Variants in ESYT3 observed in about 807,000 individuals in gnomAD.
The protein encoded by ESYT3 is extended synaptotagmin 3.
In ESYT3, 101 loss-of-function variants were observed where a neutral mutation model predicts 111.5. That is an observed-to-expected ratio of 0.91 (90% CI 0.77 to 1.07). ESYT3 has a LOEUF of 1.07. Among genes scored for constraint, ESYT3 ranks in the 50% least tolerant of loss-of-function variants. The pLI is 0.00. For synonymous variants in ESYT3, 416 were observed against 446.8 expected, an observed-to-expected ratio of 0.93 and a Z score of 0.87; for missense variants, 1,097 against 1,109.4, an observed-to-expected ratio of 0.99 and a Z score of 0.16.
chr3:138,460,335 G>GT (rs1441486221), intron 6 of ESYT3, among the ~76,000 whole-genome samples: 2 of 152,182 alleles, frequency 1.3e-5, no homozygotes, highest in Admixed American at 1.3e-4. Flanking sequence ...TCCTACTCCT[G>GT]TAGGGGTTCT....
chr3:138,449,082 C>CT (rs398040196), intron 1 of ESYT3, among the ~76,000 whole-genome samples: 5,232 of 113,108 alleles, frequency 0.046, 511 homozygotes, highest in African/African-American at 0.15. Flanking sequence ...CTTTCTTTTT[C>CT]TTTTTTTTTT....
In ESYT3 at chr3:138,477,142, T is replaced by C. The variant is rs1473320802; in HGVS notation, c.*288T>C. ...TACTAAATTATCCAAACCTCAGTGTTTATATACTTAAACAAGTGCCACTTT... is the reference window on the plus strand; with the variant it reads ...TACTAAATTATCCAAACCTCAGTGTCTATATACTTAAACAAGTGCCACTTT... On this transcript the variant is annotated 3_prime_UTR_variant, in exon 23 of 23. Coordinates refer to ENST00000389567, the MANE Select transcript of ESYT3 (RefSeq NM_031913.5). 3.5e-6 allele frequency: 1 copy of C among 287,398 alleles called. No individual in the cohort carries two copies. The highest frequency in any genetic ancestry group is 4.9e-5 in the Admixed American group (1 of 20,496). 17.8% of individuals were successfully genotyped at this position (287,398 alleles called of 1,614,324 possible).
intron 1 of ESYT3, among the ~76,000 whole-genome samples, chr3:138,446,553 T>C (rs1404474790): frequency 5.3e-5 from 8 of 152,076 alleles, no homozygotes; most frequent in Non-Finnish European, 1.2e-4. Flanking sequence ...CAAAATAGAA[T>C]AGAACTCAAA....
chr3:138,451,719 C>T (rs1254148681), intron 1 of ESYT3, among the ~76,000 whole-genome samples: 1 of 152,222 alleles, frequency 6.6e-6, no homozygotes, highest in East Asian at 1.9e-4. Flanking sequence ...GCGTGGAGTC[C>T]TGTCCTGCCC....
chr3:138,468,992 G>C (rs2033081679), intron 14 of ESYT3, 111 bp downstream of exon 14: 9 of 1,154,008 alleles, frequency 7.8e-6, no homozygotes, highest in Non-Finnish European at 1.2e-5. Context: ...ACACAGCCTG[G>C]GGATAACAAG....
chr3:138,479,837 A>T lies in ESYT3; in HGVS notation c.*2983A>T, dbSNP rs2033646185. The T allele has an allele frequency of 6.6e-6, 1 of 152,176 alleles. No homozygotes were observed. The allele number at this position is 152,176 out of a possible 1,614,324, so 9.4% of individuals were successfully genotyped here. ...CTCTCCCTTACCCCTGGGGGTAAGG[A>T]TCTGCATCCTGAAGTTGATATTCTG... On this transcript the variant is annotated 3_prime_UTR_variant, in exon 23 of 23. Coordinates refer to ENST00000389567, the MANE Select transcript of ESYT3 (RefSeq NM_031913.5).
Position 138,449,623 on chromosome 3 carries a change from G to A in ESYT3, c.328-2425G>A, listed in dbSNP as rs1052438752. Among the ~76,000 whole-genome samples the A allele has an allele frequency of 5.3e-5, 8 of 152,288 alleles. No individual in the cohort carries two copies. The South Asian group carries it at 1.7e-3, about 32-fold the overall frequency. On this transcript the variant is annotated intron_variant, in intron 1 of 22. Coordinates refer to ENST00000389567, the MANE Select transcript of ESYT3 (RefSeq NM_031913.5). Reference sequence around the variant, plus strand: ...CCACCAAGCAGGATCACCTTTCGGGGTCGAGAGATCAGAACTACTCAGCTC... The same window carrying A: ...CCACCAAGCAGGATCACCTTTCGGGATCGAGAGATCAGAACTACTCAGCTC...
chr3:138,472,799 C>T lies in ESYT3; in HGVS notation c.2177C>T (p.Ser726Phe). Residue 726 changes from serine to phenylalanine, a missense_variant, in exon 18 of 23, where the codon TCC (serine) becomes TTC (phenylalanine). Physicochemically the swap from Ser to Phe is radical, Grantham distance 155 (BLOSUM62 -2). Coordinates refer to ENST00000389567, the MANE Select transcript of ESYT3 (RefSeq NM_031913.5). ...WPPKRLAPSM[S>F]SLNSLASSCF... Reference sequence around the variant, plus strand: ...CCCAAGAGGCTGGCTCCCAGCATGTCCTCGCTCAACTCCTTGGCCTCTTCT... The same window carrying T: ...CCCAAGAGGCTGGCTCCCAGCATGTTCTCGCTCAACTCCTTGGCCTCTTCT... 6.2e-7 allele frequency: 1 copy of T among 1,614,236 alleles called. No homozygotes were observed.
intron 5 of ESYT3, among the ~76,000 whole-genome samples, 157 bp downstream of exon 5, chr3:138,459,410 T>G (rs1171111707): frequency 2.0e-5 from 3 of 152,176 alleles, no homozygotes; most frequent in Admixed American, 6.5e-5. Context: ...TGAGGTCACA[T>G]GGCCAGGAAG....
chr3:138,439,115 G>GT (rs1403619307), intron 1 of ESYT3, among the ~76,000 whole-genome samples: 22 of 152,320 alleles, frequency 1.4e-4, no homozygotes, highest in Admixed American at 1.4e-3. Context: ...CAAAAGCTTT[G>GT]TTGCCACACA....
intron 2 of ESYT3, 101 bp downstream of exon 2, chr3:138,452,190 C>A: frequency 8.5e-7 from 1 of 1,182,914 alleles, no homozygotes. Flanking sequence ...GCGGCAATTT[C>A]CTTGCCTGAC....
chr3:138,436,841 C>T (rs1361202123), intron 1 of ESYT3, among the ~76,000 whole-genome samples: 2 of 152,310 alleles, frequency 1.3e-5, no homozygotes, highest in South Asian at 2.1e-4. Flanking sequence ...AAGTAACATC[C>T]CTTCTTTTCT....
Position 138,459,244 on chromosome 3 carries a change from C to T in ESYT3, c.639C>T (p.Asn213=), listed in dbSNP as rs145007016. 37 of 1,558,352 alleles carry T rather than the reference C, an allele frequency of 2.4e-5. No individual in the cohort carries two copies. The highest frequency in any genetic ancestry group is 1.9e-4 in the Admixed American group (11 of 57,532). Residue 213 remains asparagine (N), a synonymous_variant, in exon 5 of 23, where the codon AAC becomes AAT. Coordinates refer to ENST00000389567, the MANE Select transcript of ESYT3 (RefSeq NM_031913.5). ...TGCAGAAGATTCAGGCTGGTGTGAA[C>T]GGGATCCAGGTGGGTGGAGCCCGGT... ...VELQKIQAGV[N]GIQLQGTLRV...
Position 138,470,967 on chromosome 3 carries a change from C to T in ESYT3, c.1681C>T (p.Arg561Cys), listed in dbSNP as rs747948570. ...CTATGCTGACCTCACTCTTGAGCAGCGCTTTCAGCTGGACCACTCAGGCCT... is the reference window on the plus strand; with the variant it reads ...CTATGCTGACCTCACTCTTGAGCAGTGCTTTCAGCTGGACCACTCAGGCCT... ...LPYADLTLEQ[R>C]FQLDHSGLDS... Residue 561 changes from arginine to cysteine, a missense_variant, in exon 17 of 23, where the codon CGC becomes TGC. Physicochemically the swap from Arg to Cys is radical, Grantham distance 180. Transcript: ENST00000389567. The T allele has an allele frequency of 1.6e-5, 26 of 1,614,010 alleles. No individual in the cohort carries two copies. Among genetic ancestry groups the T allele is most frequent in the African/African-American group, 6.7e-5 (5 of 74,900 alleles).
chr3:138,450,303 T>C (rs200546554), intron 1 of ESYT3, among the ~76,000 whole-genome samples: 3 of 152,206 alleles, frequency 2.0e-5, no homozygotes, highest in East Asian at 3.9e-4. Context: ...AACGGAAAGG[T>C]CTTGCCTTCC....
intron 1 of ESYT3, among the ~76,000 whole-genome samples, chr3:138,439,125 A>G (rs1171977860): frequency 2.6e-5 from 4 of 152,192 alleles, no homozygotes; most frequent in African/African-American, 9.7e-5. Context: ...GTTGCCACAC[A>G]TGGTCGTGGT....
intron 1 of ESYT3, among the ~76,000 whole-genome samples, chr3:138,441,827 C>CTT (rs11449694): frequency 1.1e-3 from 160 of 149,336 alleles, no homozygotes; most frequent in East Asian, 5.7e-3. Flanking sequence ...GACAAAGCAC[C>CTT]TTTTTTTTTT....
rs961038701 is a variant in ESYT3, at chr3:138,435,005, G to T, written c.207G>T (p.Trp69Cys). The T allele has an allele frequency of 1.3e-5, 21 of 1,569,788 alleles. No individual in the cohort carries two copies. Among genetic ancestry groups the T allele is most frequent in the Non-Finnish European group, 1.7e-5 (20 of 1,157,138 alleles). The change falls in exon 1 of 23, where the codon TGG (tryptophan) becomes TGT (cysteine). Residue 69 changes from tryptophan (W) to cysteine (C), a missense_variant. By Grantham distance (215) the Trp-to-Cys change is radical. Coordinates refer to ENST00000389567, the MANE Select transcript of ESYT3 (RefSeq NM_031913.5). The surrounding 1 kb of genome is among the most constrained non-coding windows in gnomAD (Gnocchi z 4.8). ...GGTTGCTGCTCGGCGCCCTGCTGTG[G>T]ATGTGGTGGCGCAGGAACCGCCGCG... ...ITWLLLGALL[W>C]MWWRRNRRGK...
At chr3:138,473,438 T>C (rs1018342559) in intron 18 of ESYT3, 98 bp from the exon 19 acceptor site, 1 of 1,058,892 alleles carries the variant, frequency 9.4e-7, no homozygotes, top group Admixed American at 1.8e-5. Context: ...TACATGGCTC[T>C]ATACTCCTCA....
Sources: gnomAD v4.1 joint callset for allele counts (sites outside exome capture counted in the v4.1 genomes callset) on GRCh38, gnomAD v4.1.1 for gene constraint, Gnocchi (gnomAD v3.1) non-coding constraint, MANE v1.5 for transcripts, NCBI Gene and HGNC (gene_info 2026-07-23, HGNC 2026-07-21) for gene names.